TSGA10IP: variants seen among roughly 807,000 people sequenced by gnomAD.
TSGA10IP encodes the protein testis specific 10 interacting protein.
TSGA10IP carries 64 observed loss-of-function variants against 63.2 expected under a neutral mutation model. The ratio of observed to expected loss-of-function variants is 1.01; its 90% CI spans 0.83 to 1.25. The LOEUF (loss-of-function observed/expected upper bound fraction) is 1.25, where lower values mean the gene tolerates loss of function less well. Among genes scored for constraint, TSGA10IP ranks in the 50% most tolerant of loss-of-function variants. TSGA10IP has a pLI of 0.00. For synonymous variants in TSGA10IP, 316 were observed against 298.3 expected (o/e 1.06, Z -0.61); for missense variants, 681 against 710.1 (o/e 0.96, Z 0.47).
At chr11:65,950,320 T>TGGG (rs1854923148) in intron 4 of TSGA10IP, among the ~76,000 whole-genome samples, 1 of 152,196 alleles carries the variant, frequency 6.6e-6, no homozygotes, top group African/African-American at 2.4e-5. Flanking sequence ...AACATCTCCC[T>TGGG]TCTTCTCCCC....
chr11:65,949,475 G>A (rs1325129689), intron 4 of TSGA10IP, among the ~76,000 whole-genome samples: 1 of 150,330 alleles, frequency 6.7e-6, no homozygotes, highest in Admixed American at 6.6e-5. Flanking sequence ...GGAGTGCAGT[G>A]GCACAGTCTT....
At chr11:65,948,269 T>A in intron 4 of TSGA10IP, 121 bp downstream of exon 4, 1 of 1,245,646 alleles carries the variant, frequency 8.0e-7, no homozygotes, top group Non-Finnish European at 1.1e-6. Flanking sequence ...TTCACCAAAC[T>A]TTTGGATCAT....
chr11:65,959,306 G>A, exon 7 of TSGA10IP: 2 of 1,611,340 alleles, frequency 1.2e-6, no homozygotes, highest in Non-Finnish European at 1.7e-6. Context: ...GCACCCCCAG[G>A]AAACCCAGGT....
chr11:65,959,812 TGAA>T lies in TSGA10IP; in HGVS notation c.1548-3_1548-1del. On this transcript the variant is annotated splice_acceptor_variant and splice_polypyrimidine_tract_variant and intron_variant, in intron 7 of 7. Coordinates refer to ENST00000532620, the Ensembl canonical transcript of TSGA10IP. LOFTEE classifies it high-confidence loss of function. ...GAGTCAGGGGCCTCTATCTGTGTCTTGAAGGAGCCACAGGTCAATGGGGGTGAG... is the reference window on the plus strand; with the variant it reads ...GAGTCAGGGGCCTCTATCTGTGTCTTGGAGCCACAGGTCAATGGGGGTGAG... 6.4e-7 allele frequency: 1 copy of T among 1,553,620 alleles called. No individual in the cohort carries two copies. The highest frequency in any genetic ancestry group is 8.7e-7 in the Non-Finnish European group (1 of 1,149,094).
intron 4 of TSGA10IP, 128 bp downstream of exon 4, chr11:65,948,276 T>TCACC: frequency 9.5e-7 from 1 of 1,048,722 alleles, no homozygotes; most frequent in East Asian, 2.9e-5. Context: ...AACTTTTGGA[T>TCACC]CATCCATCCA....
intron 4 of TSGA10IP, among the ~76,000 whole-genome samples, chr11:65,949,420 A>ATTTT (rs71036256): frequency 1.4e-5 from 2 of 144,872 alleles, no homozygotes; most frequent in South Asian, 2.2e-4. Context: ...GCACCCCACA[A>ATTTT]TTTTTTTTTT....
Position 65,954,566 on chromosome 11 carries a change from G to A in TSGA10IP, c.1322+829G>A, listed in dbSNP as rs564276535. On this transcript the variant is annotated intron_variant, in intron 5 of 7. Transcript: ENST00000532620. ...AGGGAGTATTGCTGCTGGTGGGCCA[G>A]GTCAGGTTCTTCCCTTGGCCGCACA... Among the ~76,000 whole-genome samples the A allele has an allele frequency of 3.9e-5, 6 of 152,108 alleles. No homozygotes were observed. The East Asian group carries it at 1.2e-3, about 29-fold the overall frequency.
intron 7 of TSGA10IP, 109 bp downstream of exon 7, chr11:65,959,423 G>T (rs1855079834): frequency 6.8e-7 from 1 of 1,476,706 alleles, no homozygotes; most frequent in East Asian, 2.5e-5. Context: ...CAGGCAGAGA[G>T]CCCAGAGGAA....
chr11:65,956,936 G>A (rs1039416906), intron 5 of TSGA10IP, among the ~76,000 whole-genome samples: 2 of 152,218 alleles, frequency 1.3e-5, no homozygotes, highest in African/African-American at 4.8e-5. Flanking sequence ...TTCTATTTGA[G>A]AGGGCTAAGG....
chr11:65,953,811 C>T, intron 5 of TSGA10IP, 74 bp downstream of exon 5: 1 of 1,257,302 alleles, frequency 8.0e-7, no homozygotes, highest in South Asian at 1.8e-5. Context: ...GTCTACAGGA[C>T]CGAGGAGCAC....
At chr11:65,947,706 G>T in exon 3 of TSGA10IP, 1 of 1,598,434 alleles carries the variant, frequency 6.3e-7, no homozygotes, top group Non-Finnish European at 8.5e-7. Context: ...CAGAGCCAGG[G>T]GAGCAGCCCC....
exon 8 of TSGA10IP, chr11:65,959,954 G>A: frequency 2.5e-6 from 4 of 1,612,576 alleles, no homozygotes; most frequent in Non-Finnish European, 3.4e-6. Flanking sequence ...AAAATTAAAG[G>A]CTTTATGGCA....
At chr11:65,947,127 C>T in exon 3 of TSGA10IP, 1 of 1,611,214 alleles carries the variant, frequency 6.2e-7, no homozygotes, top group Middle Eastern at 1.7e-4. Flanking sequence ...CCGCTTCTTC[C>T]TCGGAAACCC....
exon 4 of TSGA10IP, chr11:65,948,082 A>G (rs1415008010): frequency 5.6e-6 from 9 of 1,593,622 alleles, no homozygotes; most frequent in Non-Finnish European, 7.7e-6. Flanking sequence ...GCCTCGGGAT[A>G]CGATGAAACT....
At chr11:65,959,207 C>A (rs772885840) in exon 7 of TSGA10IP, 6 of 1,605,470 alleles carry the variant, frequency 3.7e-6, no homozygotes, top group Non-Finnish European at 5.1e-6. Flanking sequence ...CCCGGCTCAC[C>A]GTCACTCGGC....
exon 1 of TSGA10IP, chr11:65,945,800 C>G: frequency 6.2e-7 from 1 of 1,613,906 alleles, no homozygotes. Flanking sequence ...AAGCTGCTGT[C>G]GACCGTCTCT....
chr11:65,950,450 A>G (rs1854924388), intron 4 of TSGA10IP, among the ~76,000 whole-genome samples: 1 of 152,088 alleles, frequency 6.6e-6, no homozygotes, highest in Non-Finnish European at 1.5e-5. Context: ...GCTGCAGTGC[A>G]GTGGCACAAT....
chr11:65,950,364 T>C (rs1443476352), intron 4 of TSGA10IP, among the ~76,000 whole-genome samples: 9 of 152,246 alleles, frequency 5.9e-5, no homozygotes, highest in South Asian at 2.1e-4. Flanking sequence ...ACCACCATTC[T>C]ACTCTCTGCT....
Position 65,959,316 on chromosome 11 carries a change from T to C in TSGA10IP, c.1547+2T>C. On this transcript the variant is annotated splice_donor_variant, in intron 7 of 7. Transcript: ENST00000532620. LOFTEE classifies it high-confidence loss of function. ...AGAGGGCACCCCCAGGAAACCCAGG[T>C]GAGTCTCCCCGTCAGGTCAAGAACT... The C allele has an allele frequency of 6.2e-7, 1 of 1,610,810 alleles. No individual in the cohort carries two copies. Among genetic ancestry groups the C allele is most frequent in the South Asian group, 1.1e-5 (1 of 90,730 alleles).
Sources: allele counts gnomAD v4.1 joint callset (sites outside exome capture counted in the v4.1 genomes callset), GRCh38; gene constraint gnomAD v4.1.1; transcripts MANE v1.5; gene names NCBI Gene and HGNC (gene_info 2026-07-23, HGNC 2026-07-21).